SOX6: variants seen among roughly 807,000 people sequenced by gnomAD.
The protein encoded by SOX6 is SRY-box transcription factor 6.
SOX6 carries 11 observed loss-of-function variants against 97.8 expected under a neutral mutation model. The ratio of observed to expected loss-of-function variants is 0.11; its 90% CI spans 0.07 to 0.19. The LOEUF (loss-of-function observed/expected upper bound fraction) is 0.19, where lower values mean the gene tolerates loss of function less well. Ranked by LOEUF, SOX6 falls within the 10% of genes least tolerant of loss-of-function variation. SOX6 has a pLI of 1.00. For synonymous variants in SOX6, 360 were observed against 371.4 expected (o/e 0.97, Z 0.35); for missense variants, 810 against 1,039.5 (o/e 0.78, Z 3.04).
At chr11:16,023,776 T>C (rs1855138951) in intron 12 of SOX6, among the ~76,000 whole-genome samples, 1 of 152,202 alleles carries the variant, frequency 6.6e-6, no homozygotes, top group Non-Finnish European at 1.5e-5. Flanking sequence ...AACAGAATTA[T>C]ATTAATTTCA....
chr11:16,431,688 T>C (rs905359399), intron 1 of SOX6, among the ~76,000 whole-genome samples: 9 of 152,166 alleles, frequency 5.9e-5, no homozygotes, highest in Non-Finnish European at 1.3e-4. Flanking sequence ...ATGAAGCATA[T>C]TAATGTTAAT....
intron 13 of SOX6, among the ~76,000 whole-genome samples, chr11:15,990,008 C>T (rs1853997252): frequency 1.3e-5 from 2 of 152,058 alleles, no homozygotes; most frequent in African/African-American, 2.4e-5. Context: ...TAGGAATCAA[C>T]AAGTGAGTGG....
At chr11:16,456,599 G>GTGGC (rs1338480761) in intron 1 of SOX6, among the ~76,000 whole-genome samples, 2 of 152,210 alleles carry the variant, frequency 1.3e-5, no homozygotes. Flanking sequence ...ATGACTTAAG[G>GTGGC]TGGCTGTTCA....
intron 4 of SOX6, among the ~76,000 whole-genome samples, chr11:16,585,666 ATTTTTTTTTTTTTACTTTTTT>A (rs1243281824): frequency 7.5e-6 from 1 of 132,556 alleles, no homozygotes; most frequent in Non-Finnish European, 1.6e-5. Context: ...TCAACGGAGA[ATTTTTTTTTTTTTACTTTTTT>A]TTTTTTTTTT....
intron 1 of SOX6, among the ~76,000 whole-genome samples, chr11:16,417,267 T>C (rs989114179): frequency 7.9e-5 from 12 of 152,170 alleles, no homozygotes; most frequent in African/African-American, 2.9e-4. Context: ...TAACCATCCA[T>C]ACCCCTGGCC....
At chr11:16,480,460 A>G (rs1219115522), upstream of SOX6, among the ~76,000 whole-genome samples, 1 of 152,174 alleles carries the variant, frequency 6.6e-6, no homozygotes, top group Non-Finnish European at 1.5e-5. Context: ...TCAAATGAAG[A>G]AACCATAAAC....
At chr11:16,302,183 T>C (rs1198417898) in intron 3 of SOX6, among the ~76,000 whole-genome samples, 1 of 152,202 alleles carries the variant, frequency 6.6e-6, no homozygotes, top group African/African-American at 2.4e-5. Flanking sequence ...TTCCAACTGA[T>C]AGTCAAAATG....
At chr11:16,185,066 C>T (rs1288312984) in intron 5 of SOX6, among the ~76,000 whole-genome samples, 1 of 152,086 alleles carries the variant, frequency 6.6e-6, no homozygotes, top group Non-Finnish European at 1.5e-5. Context: ...TTAGCCTATG[C>T]AGGGGGTAGT....
intron 3 of SOX6, among the ~76,000 whole-genome samples, chr11:16,303,276 T>A (rs1014158945): frequency 1.3e-5 from 2 of 152,192 alleles, no homozygotes; most frequent in African/African-American, 4.8e-5. Context: ...GGTTAATGTA[T>A]ATTATATGCT....
At chr11:16,416,026 C>T (rs1345129750) in intron 1 of SOX6, among the ~76,000 whole-genome samples, 2 of 152,172 alleles carry the variant, frequency 1.3e-5, no homozygotes. Flanking sequence ...TATACACTTA[C>T]TCTGTTGCCT....
chr11:16,594,792 G>A (rs1318368142), intron 4 of SOX6, among the ~76,000 whole-genome samples: 4 of 133,798 alleles, frequency 3.0e-5, no homozygotes, highest in Non-Finnish European at 4.6e-5. Context: ...CCGGGTTCAC[G>A]CCATTCTCCT....
chr11:16,365,144 C>A (rs1857320875), intron 1 of SOX6, among the ~76,000 whole-genome samples: 1 of 151,890 alleles, frequency 6.6e-6, no homozygotes, highest in Admixed American at 6.6e-5. Context: ...TCTTACTGTA[C>A]CTAATTTATA....
chr11:16,398,818 GA>G (rs56767189), intron 1 of SOX6, among the ~76,000 whole-genome samples: 144,685 of 147,294 alleles, frequency 0.98, 71,083 homozygotes, highest in South Asian at 1. Flanking sequence ...AAAGGCTATG[GA>G]AAAAAAAAAA....
chr11:16,103,666 T>TATATACACCATGGA (rs1849005508), intron 7 of SOX6, among the ~76,000 whole-genome samples: 2 of 151,758 alleles, frequency 1.3e-5, no homozygotes, highest in Non-Finnish European at 2.9e-5. Context: ...GGTATATATA[T>TATATACACCATGGA]ATATACACCA....
At chr11:16,246,249 T>C (rs1022961785) in intron 3 of SOX6, among the ~76,000 whole-genome samples, 1 of 151,666 alleles carries the variant, frequency 6.6e-6, no homozygotes, top group South Asian at 2.1e-4. Flanking sequence ...TTATACATGG[T>C]TATTGTTTAT....
chr11:15,990,722 T>C (rs796423400), intron 13 of SOX6, among the ~76,000 whole-genome samples: 20 of 152,324 alleles, frequency 1.3e-4, no homozygotes, highest in African/African-American at 4.6e-4. Flanking sequence ...GTGGTCAGAC[T>C]GATAGCCTCA....
chr11:16,707,477 C>T (rs1848146227), intron 3 of SOX6, among the ~76,000 whole-genome samples: 1 of 151,954 alleles, frequency 6.6e-6, no homozygotes, highest in Non-Finnish European at 1.5e-5. Flanking sequence ...TTCTTTTTCT[C>T]TGTGGATATA....
chr11:16,341,190 A>G lies in SOX6; in HGVS notation c.59T>C (p.Met20Thr). The G allele has an allele frequency of 2.5e-6, 4 of 1,613,530 alleles. No homozygotes were observed. The highest frequency in any genetic ancestry group is 3.4e-6 in the Non-Finnish European group (4 of 1,179,624). The change falls in exon 2 of 16, where the codon ATG becomes ACG. Residue 20 changes from methionine to threonine, a missense_variant. By Grantham distance (81) the Met-to-Thr change is moderately conservative. Transcript: ENST00000683767. The part of the protein sequence containing the change: ...FACAADGEDA[M>T]TQDLTSREKE... The stretch of plus-strand genomic sequence containing the variant: ...TTCCCTTGAGGTTAAATCCTGGGTC[A>G]TTGCATCCTCTCCATCAGCTGCACA...
intron 1 of SOX6, among the ~76,000 whole-genome samples, chr11:16,364,914 G>C (rs935849146): frequency 6.6e-6 from 1 of 152,048 alleles, no homozygotes; most frequent in African/African-American, 2.4e-5. Flanking sequence ...CTGTAAAACT[G>C]GGATTGTACT....
Sources: allele counts gnomAD v4.1 joint callset (sites outside exome capture counted in the v4.1 genomes callset), GRCh38; gene constraint gnomAD v4.1.1; transcripts MANE v1.5; gene names NCBI Gene and HGNC (gene_info 2026-07-23, HGNC 2026-07-21).